The following FBXL13 variants were observed in gnomAD, a reference collection of about 807,000 sequenced individuals.
FBXL13 encodes the protein F-box and leucine-rich repeat protein 13.
In FBXL13, 67 loss-of-function variants were observed where a neutral mutation model predicts 83.6. That is an observed-to-expected ratio of 0.80 (90% CI 0.66 to 0.98). The LOEUF is 0.98. FBXL13 is among the 50% of genes least tolerant of loss of function. The probability of loss-of-function intolerance (pLI) is 0.00; values close to 1 mark genes in which losing one functional copy is unlikely to be tolerated. For synonymous variants in FBXL13, 272 were observed against 299.5 expected (o/e 0.91, Z 0.95); for missense variants, 822 against 866.5 (o/e 0.95, Z 0.64).
At chr7:103,062,025 CAAAAAA>C (rs59881447) in intron 1 of FBXL13, among the ~76,000 whole-genome samples, 1 of 99,796 alleles carries the variant, frequency 1.0e-5, no homozygotes, top group Non-Finnish European at 1.9e-5. Context: ...TCATAATTAC[CAAAAAA>C]AAAAAAAAAA....
chr7:102,920,638 C>CGCAT (rs1563092209), intron 10 of FBXL13, among the ~76,000 whole-genome samples: 1 of 152,044 alleles, frequency 6.6e-6, no homozygotes, highest in African/African-American at 2.4e-5. Context: ...CAAGCCACCA[C>CGCAT]GCATGGCCCA....
At chr7:102,820,160 CT>C (rs1798604045) in intron 19 of FBXL13, among the ~76,000 whole-genome samples, 1 of 152,226 alleles carries the variant, frequency 6.6e-6, no homozygotes, top group Non-Finnish European at 1.5e-5. Flanking sequence ...TTCTAGGCCT[CT>C]TTCCTGCTAG....
chr7:102,944,075 A>T, intron 8 of FBXL13: 1 of 685,244 alleles, frequency 1.5e-6, no homozygotes, highest in Non-Finnish European at 2.3e-6. Flanking sequence ...TCTGAGAAAA[A>T]GAAAGGAAAA....
At chr7:102,826,765 ATATATATG>A in intron 18 of FBXL13, among the ~76,000 whole-genome samples, 2 of 114,846 alleles carry the variant, frequency 1.7e-5, no homozygotes, top group Non-Finnish European at 3.4e-5. Context: ...ATATATATAT[ATATATATG>A]TATATATATC....
At chr7:102,936,471 A>G (rs1820332081) in intron 8 of FBXL13, 3 of 152,230 alleles carry the variant, frequency 2.0e-5, no homozygotes, top group Admixed American at 2.0e-4. Flanking sequence ...AATTTCAAAG[A>G]GTAAGTAAAT....
intron 2 of FBXL13, among the ~76,000 whole-genome samples, chr7:103,045,997 G>A (rs762438759): frequency 2.0e-4 from 31 of 152,174 alleles, no homozygotes; most frequent in Non-Finnish European, 3.7e-4. Flanking sequence ...TAAAACCTTC[G>A]AGAGAATACA....
intron 8 of FBXL13, among the ~76,000 whole-genome samples, chr7:102,962,504 A>C (rs1210616091): frequency 6.6e-6 from 1 of 152,200 alleles, no homozygotes; most frequent in Non-Finnish European, 1.5e-5. Flanking sequence ...AAGGACTAGA[A>C]ATCATGCTGC....
chr7:102,898,834 T>C (rs895996951), intron 11 of FBXL13, among the ~76,000 whole-genome samples: 7 of 152,206 alleles, frequency 4.6e-5, no homozygotes, highest in Non-Finnish European at 8.8e-5. Flanking sequence ...TCTCTTGCAC[T>C]TCAGTGATTT....
At chr7:102,992,422 A>C (rs1020235769) in intron 6 of FBXL13, among the ~76,000 whole-genome samples, 2 of 152,204 alleles carry the variant, frequency 1.3e-5, no homozygotes, top group Non-Finnish European at 2.9e-5. Context: ...CTAGTGACAG[A>C]AGCGGCCACC....
chr7:103,068,235 C>T (rs1397736128), intron 1 of FBXL13, among the ~76,000 whole-genome samples: 9 of 152,096 alleles, frequency 5.9e-5, no homozygotes, highest in Admixed American at 2.0e-4. Flanking sequence ...GCTAATGCTA[C>T]CAACAAAACA....
intron 11 of FBXL13, among the ~76,000 whole-genome samples, chr7:102,904,028 T>C (rs1813375927): frequency 6.8e-6 from 1 of 146,772 alleles, no homozygotes; most frequent in South Asian, 2.2e-4. Flanking sequence ...TTGGAAGTAC[T>C]CTTTCTTCCT....
intron 1 of FBXL13, among the ~76,000 whole-genome samples, chr7:103,057,449 T>C (rs1797445889): frequency 2.0e-5 from 3 of 152,078 alleles, no homozygotes; most frequent in Admixed American, 2.0e-4. Flanking sequence ...TTTTGTTTTG[T>C]TTTGTTTTTG....
At chr7:102,977,293 G>A (rs1177001920) in intron 6 of FBXL13, among the ~76,000 whole-genome samples, 8 of 152,144 alleles carry the variant, frequency 5.3e-5, no homozygotes, top group Admixed American at 2.0e-4. Flanking sequence ...CTCGCACAAC[G>A]ACAAAAACAA....
At chr7:103,060,058 ATATATAC>A (rs1217146867) in intron 1 of FBXL13, among the ~76,000 whole-genome samples, 12 of 112,210 alleles carry the variant, frequency 1.1e-4, no homozygotes, top group South Asian at 5.7e-4. Context: ...ATATATATAT[ATATATAC>A]TTTTTTTTTT....
chr7:103,055,651 G>C, exon 2 of FBXL13: 1 of 1,251,724 alleles, frequency 8.0e-7, no homozygotes, highest in Non-Finnish European at 1.0e-6. Context: ...TACCAAAGAA[G>C]ATTCTGAAGA....
At position 102,848,555 on chromosome 7, in the gene FBXL13, C is replaced by CAAAAA. The variant is rs59060531; in HGVS notation, c.1719+6217_1719+6221dup. Among the ~76,000 whole-genome samples, 3 of 1,828 alleles carry CAAAAA rather than the reference C, an allele frequency of 1.6e-3. 1 individual carries two copies. The highest frequency in any genetic ancestry group is 8.5e-3 in the Admixed American group (2 of 234). 1.2% of individuals were successfully genotyped at this position (1,828 alleles called of 152,430 possible). On this transcript the variant is annotated intron_variant, in intron 17 of 19. Coordinates refer to ENST00000313221, the Ensembl canonical transcript of FBXL13. ...TGGGCGACAGAGCGAGACTCCGTCT[C>CAAAAA]AAAAAAAAAAAAAAAAAAAAAAAAA...
At chr7:102,864,374 AT>A (rs10678128) in intron 16 of FBXL13, among the ~76,000 whole-genome samples, 10 of 147,658 alleles carry the variant, frequency 6.8e-5, no homozygotes, top group African/African-American at 7.4e-5. Context: ...ACAAGTGTTC[AT>A]TTTTTTTTTT....
At chr7:102,813,321 C>T (rs1382810972) in exon 20 of FBXL13, 1 of 1,566,022 alleles carries the variant, frequency 6.4e-7, no homozygotes, top group Non-Finnish European at 8.6e-7. Context: ...ATTTTTTGTT[C>T]TTCCTGCTTG....
intron 11 of FBXL13, among the ~76,000 whole-genome samples, chr7:102,892,454 G>A (rs1811654548): frequency 6.6e-6 from 1 of 152,024 alleles, no homozygotes; most frequent in Admixed American, 6.5e-5. Context: ...ATATAAAAAT[G>A]TTTTCATAAA....
Sources: allele counts gnomAD v4.1 joint callset (sites outside exome capture counted in the v4.1 genomes callset), GRCh38; gene constraint gnomAD v4.1.1; transcripts MANE v1.5; gene names NCBI Gene and HGNC (gene_info 2026-07-23, HGNC 2026-07-21).